Variants in CDH13 observed in about 807,000 individuals in gnomAD.
CDH13 encodes the protein cadherin 13.
CDH13 carries 24 observed loss-of-function variants against 63.8 expected under a neutral mutation model. The observed-to-expected ratio is 0.38, with a 90% CI of 0.27 to 0.53. The LOEUF (loss-of-function observed/expected upper bound fraction) is 0.53, where lower values mean the gene tolerates loss of function less well. Ranked by LOEUF, CDH13 falls within the 20% of genes least tolerant of loss-of-function variation. The pLI is 0.85. For missense variants in CDH13, 1,049 were observed against 903.1 expected, an observed-to-expected ratio of 1.16 and a Z score of -2.07; for synonymous variants, 503 against 355.3, an observed-to-expected ratio of 1.42 and a Z score of -4.67.
intron 1 of CDH13, among the ~76,000 whole-genome samples, chr16:82,701,253 TG>T (rs1177688229): frequency 6.6e-6 from 1 of 152,200 alleles, no homozygotes; most frequent in Non-Finnish European, 1.5e-5. Flanking sequence ...ACCTTGGGCA[TG>T]GCCCTAGTTC....
intron 3 of CDH13, among the ~76,000 whole-genome samples, chr16:83,064,822 A>G (rs2031863423): frequency 6.6e-6 from 1 of 152,216 alleles, no homozygotes; most frequent in Non-Finnish European, 1.5e-5. Flanking sequence ...GCTAATTAAC[A>G]TGTCCATCAC....
intron 1 of CDH13, among the ~76,000 whole-genome samples, chr16:82,840,659 T>A (rs1336235448): frequency 7.5e-6 from 1 of 132,498 alleles, no homozygotes; most frequent in Non-Finnish European, 1.6e-5. Context: ...CACTGCAGCC[T>A]GGGTGATGGA....
intron 2 of CDH13, among the ~76,000 whole-genome samples, chr16:82,881,160 G>T (rs1299829918): frequency 1.3e-5 from 2 of 152,108 alleles, no homozygotes; most frequent in African/African-American, 4.8e-5. Context: ...ATCAATGGCT[G>T]GGCTTATCCT....
At chr16:83,523,554 C>A (rs1428687068) in intron 7 of CDH13, among the ~76,000 whole-genome samples, 1 of 152,214 alleles carries the variant, frequency 6.6e-6, no homozygotes, top group Non-Finnish European at 1.5e-5. Flanking sequence ...GGACTCTCTG[C>A]CACGTGTGTG....
chr16:82,917,914 C>CAAAAAAAAAAAAAAA (rs34766700), intron 2 of CDH13, among the ~76,000 whole-genome samples: 5 of 45,958 alleles, frequency 1.1e-4, no homozygotes, highest in African/African-American at 3.4e-4. Flanking sequence ...GACTCCATGT[C>CAAAAAAAAAAAAAAA]AAAAAAAAAA....
intron 1 of CDH13, among the ~76,000 whole-genome samples, chr16:82,730,988 TG>T (rs2033371389): frequency 6.6e-6 from 1 of 152,218 alleles, no homozygotes; most frequent in African/African-American, 2.4e-5. Flanking sequence ...CTATTTTCTA[TG>T]CTTATTTAGT....
At chr16:83,693,178 C>A (rs1362260062) in intron 10 of CDH13, among the ~76,000 whole-genome samples, 3 of 152,226 alleles carry the variant, frequency 2.0e-5, no homozygotes, top group Admixed American at 6.5e-5. Context: ...TGTCCATCTT[C>A]CAGAAGTGTA....
chr16:82,933,166 G>T (rs987543537), intron 2 of CDH13, among the ~76,000 whole-genome samples: 1 of 152,142 alleles, frequency 6.6e-6, no homozygotes, highest in African/African-American at 2.4e-5. Context: ...ACATACTTCA[G>T]ACTGGGTCAT....
rs2075171959 is a variant in CDH13 at position 83,535,802 on chromosome 16, A to G, written c.960+49147A>G. On this transcript the variant is annotated intron_variant, in intron 7 of 13. Coordinates refer to ENST00000567109, the MANE Select transcript of CDH13 (RefSeq NM_001257.5). ...TTGACACAGAGGAAGTATTTGGAGCAGCAAGCAAGAGAAAAAGAAGGAACG... is the reference window on the plus strand; with the variant it reads ...TTGACACAGAGGAAGTATTTGGAGCGGCAAGCAAGAGAAAAAGAAGGAACG... Among the ~76,000 whole-genome samples the G allele has an allele frequency of 6.3e-5, 9 of 142,714 alleles. No individual in the cohort carries two copies. The South Asian group carries it at 2.3e-3, about 37-fold the overall frequency. The allele number at this position is 142,714 out of a possible 152,430, so 93.6% of individuals were successfully genotyped here.
chr16:83,756,059 T>C (rs1410205360), intron 11 of CDH13, among the ~76,000 whole-genome samples: 1 of 152,208 alleles, frequency 6.6e-6, no homozygotes, highest in Non-Finnish European at 1.5e-5. Context: ...TGTATTAGAC[T>C]CTAATAAGTC....
chr16:83,754,124 A>C (rs1010490595), intron 11 of CDH13, among the ~76,000 whole-genome samples: 8 of 152,124 alleles, frequency 5.3e-5, no homozygotes, highest in African/African-American at 1.9e-4. Flanking sequence ...AAATGCCCTA[A>C]AGGACAGAGT....
intron 2 of CDH13, among the ~76,000 whole-genome samples, chr16:82,871,456 G>A (rs1181600349): frequency 6.6e-6 from 1 of 152,180 alleles, no homozygotes; most frequent in Admixed American, 6.5e-5. Flanking sequence ...ATAAGTGAAA[G>A]GAGAGCCCCA....
chr16:83,475,738 C>T (rs917619327), intron 6 of CDH13, among the ~76,000 whole-genome samples: 20 of 152,162 alleles, frequency 1.3e-4, no homozygotes, highest in South Asian at 8.3e-4. Context: ...CATGCCACCA[C>T]GTTTGGCTAA....
intron 4 of CDH13, among the ~76,000 whole-genome samples, chr16:83,190,975 A>G (rs902558859): frequency 6.6e-6 from 1 of 151,934 alleles, no homozygotes; most frequent in African/African-American, 2.4e-5. Context: ...CCTATAGGAC[A>G]GGTTTGGGGT....
chr16:83,465,567 T>C (rs2073292435), intron 6 of CDH13, among the ~76,000 whole-genome samples: 1 of 152,222 alleles, frequency 6.6e-6, no homozygotes, highest in South Asian at 2.1e-4. Context: ...AAGCCGCCTT[T>C]TTAATTGATA....
intron 3 of CDH13, among the ~76,000 whole-genome samples, chr16:83,104,862 C>G (rs2034687184): frequency 6.6e-6 from 1 of 152,162 alleles, no homozygotes; most frequent in African/African-American, 2.4e-5. Context: ...AAATAAGGAT[C>G]TGAAAAATGG....
Position 83,686,279 on chromosome 16 carries a change from G to A in CDH13, c.1538+7818G>A, listed in dbSNP as rs115689309. Among the ~76,000 whole-genome samples, 510 of 152,218 alleles carry A rather than the reference G, an allele frequency of 3.4e-3. 5 individuals carry two copies. Among genetic ancestry groups the A allele is most frequent in the African/African-American group, 0.011 (469 of 41,532 alleles). On this transcript the variant is annotated intron_variant, in intron 10 of 13. Coordinates refer to ENST00000567109, the MANE Select transcript of CDH13 (RefSeq NM_001257.5). ...TTGACATCATTGTCCATCTTCCCAC[G>A]AGACTTTGTGCTCAGGGAGAGTAAC... is the stretch of plus-strand genomic sequence containing the variant.
intron 1 of CDH13, among the ~76,000 whole-genome samples, chr16:82,759,790 T>G (rs774787714): frequency 1.3e-5 from 2 of 152,062 alleles, no homozygotes; most frequent in Non-Finnish European, 2.9e-5. Flanking sequence ...TGCCAAATCC[T>G]CTGTCTTAGA....
intron 3 of CDH13, among the ~76,000 whole-genome samples, chr16:83,112,598 TGTTA>T (rs1406546426): frequency 1.3e-5 from 2 of 152,214 alleles, no homozygotes; most frequent in Non-Finnish European, 2.9e-5. Flanking sequence ...ACTTCCTTTT[TGTTA>T]GTTTCCCCAT....
Sources: allele counts gnomAD v4.1 joint callset (sites outside exome capture counted in the v4.1 genomes callset), GRCh38; gene constraint gnomAD v4.1.1; transcripts MANE v1.5; gene names NCBI Gene and HGNC (gene_info 2026-07-23, HGNC 2026-07-21).